TMEM130: variants seen among roughly 807,000 people sequenced by gnomAD.
TMEM130 encodes transmembrane protein 130.
In TMEM130, 37 loss-of-function variants were observed where a neutral mutation model predicts 42.9. The ratio of observed to expected loss-of-function variants is 0.86; its 90% CI spans 0.66 to 1.13. The LOEUF is 1.13. Ranked by LOEUF, TMEM130 falls within the 50% of genes most tolerant of loss-of-function variation. The probability of loss-of-function intolerance (pLI) is 0.00; values close to 1 mark genes in which losing one functional copy is unlikely to be tolerated. For missense variants in TMEM130, 545 were observed against 562.6 expected (o/e 0.97, Z 0.32); for synonymous variants, 259 against 237.7 (o/e 1.09, Z -0.82).
rs537196606 is a variant in TMEM130 at position 98,869,027 on chromosome 7, A to C, written c.85+750T>G. On this transcript the variant is annotated intron_variant, in intron 1 of 7. Coordinates refer to ENST00000339375, the MANE Select transcript of TMEM130 (RefSeq NM_152913.3). This position sits in a 1 kb window ranked among gnomAD's most constrained non-coding sequence, Gnocchi z 4.7. ...GGGGAGGGGGTGAAAAGTGGTGGAT[A>C]GTATTCAACCTTCTTAGCTGCCCAC... 2.6e-5 allele frequency among the ~76,000 whole-genome samples: 4 copies of C among 152,312 alleles called. No individual in the cohort carries two copies. Among genetic ancestry groups the C allele is most frequent in the African/African-American group, 4.8e-5 (2 of 41,566 alleles).
rs542329527 is a variant in TMEM130 at position 98,868,636 on chromosome 7, C to A, written c.85+1141G>T. Among the ~76,000 whole-genome samples the A allele has an allele frequency of 1.1e-4, 16 of 152,232 alleles. 1 individual carries two copies. The South Asian group carries it at 3.1e-3, about 30-fold the overall frequency. ...GGGAAGGGTAGAAAAGTCTCCCCGA[C>A]GGGTGAGGGAGAAGATGTTTCCCAA... On this transcript the variant is annotated intron_variant, in intron 1 of 7. Coordinates refer to ENST00000339375, the MANE Select transcript of TMEM130 (RefSeq NM_152913.3).
intron 5 of TMEM130, among the ~76,000 whole-genome samples, chr7:98,852,829 T>G (rs1794541946): frequency 6.6e-6 from 1 of 152,162 alleles, no homozygotes; most frequent in African/African-American, 2.4e-5. Flanking sequence ...ACTCCTGACC[T>G]CAAGTGATCC....
At chr7:98,864,539 A>C (rs1554400386) in intron 1 of TMEM130, among the ~76,000 whole-genome samples, 1 of 151,266 alleles carries the variant, frequency 6.6e-6, no homozygotes, top group Non-Finnish European at 1.5e-5. Context: ...GATCTACTGG[A>C]CAGTGCTGGT....
At chr7:98,865,101 CAGGT>C (rs1554400448) in intron 1 of TMEM130, among the ~76,000 whole-genome samples, 1 of 152,236 alleles carries the variant, frequency 6.6e-6, no homozygotes, top group East Asian at 1.9e-4. Flanking sequence ...TGGCACATAG[CAGGT>C]GTTTGGTACT....
intron 2 of TMEM130, 43 bp downstream of exon 2, chr7:98,863,052 C>T (rs1554400044): frequency 1.3e-6 from 2 of 1,574,328 alleles, no homozygotes; most frequent in South Asian, 1.2e-5. Flanking sequence ...TTTCTCTGCA[C>T]CAAGGGTTTG....
chr7:98,854,125 T>A (rs1038978297), intron 5 of TMEM130, among the ~76,000 whole-genome samples: 19 of 148,514 alleles, frequency 1.3e-4, no homozygotes, highest in Non-Finnish European at 2.7e-4. Context: ...GCAACCTCCA[T>A]CTCCCAGGTT....
At chr7:98,868,310 G>A (rs1584248406) in intron 1 of TMEM130, among the ~76,000 whole-genome samples, 1 of 152,300 alleles carries the variant, frequency 6.6e-6, no homozygotes, top group East Asian at 1.9e-4. Context: ...CAGAGGTTTA[G>A]GGGACTCCAA....
chr7:98,855,251 G>A lies in TMEM130; in HGVS notation c.792C>T (p.Asn264=), dbSNP rs1554398778. The part of the protein sequence containing the change: ...QTFQKMTVTL[N]FLGSPPLTVC... ...TGGAGCTCACTTACCTCCCCAGGAA[G>A]TTCAAGGTCACGGTCATCTTTTGGA... The change falls in exon 5 of 8, where the codon AAC becomes AAT. Residue 264 remains asparagine, a synonymous_variant. Coordinates refer to ENST00000339375, the MANE Select transcript of TMEM130 (RefSeq NM_152913.3). 6.2e-7 allele frequency: 1 copy of A among 1,613,522 alleles called. No individual in the cohort carries two copies. The highest frequency in any genetic ancestry group is 8.5e-7 in the Non-Finnish European group (1 of 1,179,684).
chr7:98,851,884 C>T (rs957588660), intron 5 of TMEM130, among the ~76,000 whole-genome samples: 1 of 152,078 alleles, frequency 6.6e-6, no homozygotes, highest in Non-Finnish European at 1.5e-5. Flanking sequence ...GCAGGATGAG[C>T]GGTCTGATGG....
intron 6 of TMEM130, among the ~76,000 whole-genome samples, chr7:98,850,961 T>A (rs1019466510): frequency 6.6e-6 from 1 of 152,058 alleles, no homozygotes; most frequent in Admixed American, 6.6e-5. Flanking sequence ...AAGCTGGCAT[T>A]GGGGCAGGTG....
chr7:98,848,486 C>G, intron 7 of TMEM130, 97 bp downstream of exon 7: 1 of 938,116 alleles, frequency 1.1e-6, no homozygotes, highest in Non-Finnish European at 1.7e-6. Flanking sequence ...AATATCAAGA[C>G]CCCCTCCAGG....
At chr7:98,860,544 A>G (rs2116110750) in intron 2 of TMEM130, among the ~76,000 whole-genome samples, 1 of 152,272 alleles carries the variant, frequency 6.6e-6, no homozygotes, top group African/African-American at 2.4e-5. Flanking sequence ...CCCCTGCTGC[A>G]TGAACACTGC....
intron 6 of TMEM130, among the ~76,000 whole-genome samples, chr7:98,850,640 C>T (rs1794478063): frequency 6.6e-6 from 1 of 152,000 alleles, no homozygotes; most frequent in Admixed American, 6.6e-5. Context: ...TCTCAGACTC[C>T]TGGGTTCAAT....
Position 98,856,177 on chromosome 7 carries a change from C to G in TMEM130, c.558G>C (p.Gln186His). Residue 186 changes from glutamine to histidine, a missense_variant, in exon 4 of 8, where the codon CAG becomes CAC. By Grantham distance (24) the Gln-to-His change is conservative. Coordinates refer to ENST00000339375, the MANE Select transcript of TMEM130 (RefSeq NM_152913.3). ...AGACCACGGAGTCTTCAGTCACCAT[C>G]TGGGTCCTGTTAGGAGACAGGGAGG... ...LYSWDFGDGT[Q>H]MVTEDSVVYY... 6.2e-7 allele frequency: 1 copy of G among 1,613,634 alleles called. No individual in the cohort carries two copies. The highest frequency in any genetic ancestry group is 8.5e-7 in the Non-Finnish European group (1 of 1,179,912).
intron 7 of TMEM130, 35 bp from the exon 8 acceptor site, chr7:98,848,243 A>T: frequency 6.2e-7 from 1 of 1,612,856 alleles, no homozygotes; most frequent in Non-Finnish European, 8.5e-7. Flanking sequence ...AAAATCAGCC[A>T]CCTATGATGA....
chr7:98,856,036 G>A lies in TMEM130; in HGVS notation c.699C>T (p.Ser233=), dbSNP rs143812420. ...ACCCACCCTGCAGCTTCAGCGAGGCGGAGAAGTCCCCGGTCTTCTGCTTCA... is the reference window on the plus strand; with the variant it reads ...ACCCACCCTGCAGCTTCAGCGAGGCAGAGAAGTCCCCGGTCTTCTGCTTCA... ...RAVKQKTGDF[S]ASLKLQETLR... is the part of the protein sequence containing the mutation. Residue 233 remains serine (S), a synonymous_variant, in exon 4 of 8, where the codon TCC becomes TCT. Coordinates refer to ENST00000339375, the MANE Select transcript of TMEM130 (RefSeq NM_152913.3). The A allele has an allele frequency of 3.1e-5, 50 of 1,613,204 alleles. No homozygotes were observed. The highest frequency in any genetic ancestry group is 2.4e-4 in the African/African-American group (18 of 74,934).
At chr7:98,858,654 C>T (rs1554399359) in intron 3 of TMEM130, among the ~76,000 whole-genome samples, 1 of 152,012 alleles carries the variant, frequency 6.6e-6, no homozygotes, top group African/African-American at 2.4e-5. Context: ...AGGTCGAGAC[C>T]AGCCTGGGCA....
At chr7:98,849,561 G>A (rs2116060166) in intron 6 of TMEM130, among the ~76,000 whole-genome samples, 1 of 152,310 alleles carries the variant, frequency 6.6e-6, no homozygotes, top group Non-Finnish European at 1.5e-5. Flanking sequence ...AAGTAAGCCA[G>A]GGCCAAGATT....
rs1794986015 is a variant in TMEM130, at chr7:98,869,634, G to T, written c.85+143C>A. On this transcript the variant is annotated intron_variant, in intron 1 of 7. Transcript: ENST00000339375. The surrounding 1 kb of genome is among the most constrained non-coding windows in gnomAD (Gnocchi z 4.7). ...GGAGAGGGGAAAGGGCGCTGCAGTGGCCTCAGCCGAGGAGGGAGATGCGCG... is the reference window on the plus strand; with the variant it reads ...GGAGAGGGGAAAGGGCGCTGCAGTGTCCTCAGCCGAGGAGGGAGATGCGCG... 3 of 671,596 alleles carry T rather than the reference G, an allele frequency of 4.5e-6. No homozygotes were observed. Among genetic ancestry groups the T allele is most frequent in the Admixed American group, 8.4e-5 (2 of 23,678 alleles). The allele number at this position is 671,596 out of a possible 1,614,324, so 41.6% of individuals were successfully genotyped here. A position where few individuals can be genotyped will look rare whatever the true frequency, so the allele number is the denominator to read the frequency against.
Sources: gnomAD v4.1 joint callset for allele counts (sites outside exome capture counted in the v4.1 genomes callset) on GRCh38, gnomAD v4.1.1 for gene constraint, Gnocchi (gnomAD v3.1) non-coding constraint, MANE v1.5 for transcripts, NCBI Gene and HGNC (gene_info 2026-07-23, HGNC 2026-07-21) for gene names.